DSCAM: variants seen among roughly 807,000 people sequenced by gnomAD.
DSCAM encodes the protein DS cell adhesion molecule, also known as cell adhesion molecule DSCAM.
In DSCAM, 47 loss-of-function variants were observed where a neutral mutation model predicts 217.7. That is an observed-to-expected ratio of 0.22 (90% confidence interval 0.17 to 0.28). The LOEUF (loss-of-function observed/expected upper bound fraction) is 0.28. DSCAM is among the 10% of genes least tolerant of loss of function. DSCAM has a pLI of 1.00. For synonymous variants in DSCAM, 1,056 were observed against 1,015.3 expected (o/e 1.04, Z -0.76); for missense variants, 2,080 against 2,618.3 (o/e 0.79, Z 4.49).
chr21:40,254,900 G>A (rs2073350932), intron 11 of DSCAM, among the ~76,000 whole-genome samples: 1 of 151,874 alleles, frequency 6.6e-6, no homozygotes. Flanking sequence ...CATCTAGTAA[G>A]TGCCTTCATT....
intron 3 of DSCAM, among the ~76,000 whole-genome samples, chr21:40,392,880 T>C (rs192102841): frequency 3.3e-5 from 5 of 152,138 alleles, no homozygotes; most frequent in Admixed American, 1.3e-4. Flanking sequence ...AGGTCAACTG[T>C]TAATCATGAA....
At chr21:40,178,833 C>T (rs1473710767) in intron 15 of DSCAM, 94 bp downstream of exon 15, 1 of 1,509,250 alleles carries the variant, frequency 6.6e-7, no homozygotes, top group Non-Finnish European at 9.1e-7. Flanking sequence ...CCGCCTAGCA[C>T]GGGCAAAGGT....
intron 28 of DSCAM, among the ~76,000 whole-genome samples, chr21:40,060,502 G>A (rs1247999177): frequency 6.6e-6 from 1 of 152,020 alleles, no homozygotes; most frequent in Non-Finnish European, 1.5e-5. Flanking sequence ...CACAGTTGAG[G>A]GGAGGAGAAG....
intron 21 of DSCAM, among the ~76,000 whole-genome samples, chr21:40,092,517 T>C (rs2089624430): frequency 6.6e-6 from 1 of 152,218 alleles, no homozygotes; most frequent in Admixed American, 6.5e-5. Flanking sequence ...GTGAGAGTTT[T>C]CAATTGTTCC....
chr21:40,424,602 T>C (rs971728194), intron 3 of DSCAM, among the ~76,000 whole-genome samples: 1 of 152,174 alleles, frequency 6.6e-6, no homozygotes, highest in Admixed American at 6.5e-5. Context: ...TCAGCTTCTA[T>C]TGTGGTCATA....
At chr21:40,693,650 C>G (rs1373871585) in intron 2 of DSCAM, among the ~76,000 whole-genome samples, 1 of 151,942 alleles carries the variant, frequency 6.6e-6, no homozygotes, top group African/African-American at 2.4e-5. Context: ...TCTGGGAAGC[C>G]TTGAGAACTC....
At chr21:40,444,072 C>T (rs12627009) in intron 3 of DSCAM, among the ~76,000 whole-genome samples, 5,334 of 152,200 alleles carry the variant, frequency 0.035, 214 homozygotes, top group African/African-American at 0.095. Flanking sequence ...ACTTTTCTTT[C>T]CCTCCTTGTC....
intron 3 of DSCAM, among the ~76,000 whole-genome samples, chr21:40,465,360 C>CTTAAACG (rs2075836127): frequency 6.6e-6 from 1 of 152,144 alleles, no homozygotes; most frequent in Non-Finnish European, 1.5e-5. Context: ...CAGGTCTGAG[C>CTTAAACG]TTAAACGTCT....
chr21:40,306,943 G>A (rs1038294769), intron 9 of DSCAM, among the ~76,000 whole-genome samples: 2 of 152,052 alleles, frequency 1.3e-5, no homozygotes, highest in African/African-American at 4.8e-5. Flanking sequence ...GTATCAGGAT[G>A]ACGCTGGCCT....
intron 1 of DSCAM, among the ~76,000 whole-genome samples, chr21:40,813,009 G>A (rs2091851755): frequency 6.6e-6 from 1 of 152,214 alleles, no homozygotes; most frequent in Non-Finnish European, 1.5e-5. Flanking sequence ...ATGGCAGATG[G>A]AAATTCACCA....
At chr21:40,076,184 A>G (rs2089363365) in intron 26 of DSCAM, among the ~76,000 whole-genome samples, 1 of 152,098 alleles carries the variant, frequency 6.6e-6, no homozygotes, top group African/African-American at 2.4e-5. Context: ...ATCTCTGCTA[A>G]AGCTGAGAAG....
At chr21:40,247,517 G>A (rs2073242807) in intron 11 of DSCAM, among the ~76,000 whole-genome samples, 2 of 152,176 alleles carry the variant, frequency 1.3e-5, no homozygotes, top group Non-Finnish European at 2.9e-5. Flanking sequence ...ATCCAGCAGG[G>A]CAGTCAAATC....
chr21:40,413,242 C>T (rs1828688903), intron 3 of DSCAM, among the ~76,000 whole-genome samples: 1 of 152,284 alleles, frequency 6.6e-6, no homozygotes, highest in Admixed American at 6.5e-5. Flanking sequence ...CCTAGTAGAG[C>T]CAAAAGAAGG....
At chr21:40,309,367 C>T (rs2074113885) in intron 9 of DSCAM, among the ~76,000 whole-genome samples, 1 of 152,164 alleles carries the variant, frequency 6.6e-6, no homozygotes. Context: ...CTACTTTCAG[C>T]AGGATTCAAT....
chr21:40,340,354 C>T (rs949416424), intron 6 of DSCAM, among the ~76,000 whole-genome samples: 3 of 152,094 alleles, frequency 2.0e-5, no homozygotes, highest in Non-Finnish European at 4.4e-5. Flanking sequence ...TTCTATCATC[C>T]ATATGGTTTT....
At chr21:40,360,999 G>A (rs2074757122) in intron 4 of DSCAM, among the ~76,000 whole-genome samples, 1 of 152,226 alleles carries the variant, frequency 6.6e-6, no homozygotes, top group South Asian at 2.1e-4. Flanking sequence ...TTAAGTGCAT[G>A]ATTGAAGCAA....
At chr21:40,179,184 CAAAAAAAA>C (rs11286508) in intron 14 of DSCAM, 90 bp from the exon 15 acceptor site, 152 of 102,632 alleles carry the variant, frequency 1.5e-3, no homozygotes, top group African/African-American at 5.8e-3. Flanking sequence ...AATTAAAAAC[CAAAAAAAA>C]AAAAAAAAAA....
At chr21:40,458,744 A>G (rs1018914675) in intron 3 of DSCAM, among the ~76,000 whole-genome samples, 5 of 152,140 alleles carry the variant, frequency 3.3e-5, no homozygotes, top group Admixed American at 6.6e-5. Flanking sequence ...TCTGTAACCT[A>G]AGGACAGATA....
chr21:40,802,754 G>C (rs2091879), intron 1 of DSCAM, among the ~76,000 whole-genome samples: 1 of 151,966 alleles, frequency 6.6e-6, no homozygotes, highest in Non-Finnish European at 1.5e-5. Flanking sequence ...CTCTGCAAAG[G>C]GTCCTCACCA....
Sources: allele counts gnomAD v4.1 joint callset (sites outside exome capture counted in the v4.1 genomes callset), GRCh38; gene constraint gnomAD v4.1.1; transcripts MANE v1.5; gene names NCBI Gene and HGNC (gene_info 2026-07-23, HGNC 2026-07-21).